The following IRX3 variants were observed in gnomAD, a reference collection of about 807,000 sequenced individuals.
IRX3 encodes the protein iroquois-class homeodomain protein IRX-3.
In IRX3, 20 loss-of-function variants were observed where a neutral mutation model predicts 36.4. That is an observed-to-expected ratio of 0.55 (90% CI 0.39 to 0.80). The LOEUF is 0.80. Ranked by LOEUF, IRX3 falls within the 30% of genes least tolerant of loss-of-function variation. The pLI is 0.00. For synonymous variants in IRX3, 404 were observed against 351.6 expected (o/e 1.15, Z -1.67); for missense variants, 718 against 733.2 (o/e 0.98, Z 0.24).
rs370099799 is a variant in IRX3 at position 54,284,367 on chromosome 16, C to T, written c.1385-55G>A. 9.0e-6 allele frequency: 14 copies of T among 1,558,706 alleles called. No homozygotes were observed. Among genetic ancestry groups the T allele is most frequent in the African/African-American group, 8.5e-5 (6 of 70,938 alleles). ...GCCTTTAGAGCGCTCGGTGCCGGCG[C>T]CCAGGGCCGCAGAAAGCAGGAGTGG... On this transcript the variant is annotated intron_variant, in intron 2 of 3. Transcript: ENST00000329734. This position sits in a 1 kb window ranked among gnomAD's most constrained non-coding sequence, Gnocchi z 4.0.
Position 54,285,089 on chromosome 16 carries a change from G to C in IRX3, c.792C>G (p.Thr264=). The C allele has an allele frequency of 1.2e-6, 2 of 1,613,788 alleles. No homozygotes were observed. The highest frequency in any genetic ancestry group is 1.7e-6 in the Non-Finnish European group (2 of 1,179,978). Residue 264 remains threonine (T), a synonymous_variant, in exon 2 of 4, where the codon ACC becomes ACG. Transcript: ENST00000329734. This position sits in a 1 kb window ranked among gnomAD's most constrained non-coding sequence, Gnocchi z 5.7. ...IDLENLDGAA[T]EPELSLAGAA... ...CCCCAGCCAGGGACAGCTCAGGCTCGGTGGCCGCGCCGTCTAAGTTCTCCA... is the reference window on the plus strand; with the variant it reads ...CCCCAGCCAGGGACAGCTCAGGCTCCGTGGCCGCGCCGTCTAAGTTCTCCA...
Position 54,283,680 on chromosome 16 carries a change from A to T in IRX3, c.*6T>A, listed in dbSNP as rs776619605. The T allele has an allele frequency of 1.2e-5, 15 of 1,234,740 alleles. No homozygotes were observed. Among genetic ancestry groups the T allele is most frequent in the South Asian group, 2.5e-5 (2 of 80,570 alleles). The allele number at this position is 1,234,740 out of a possible 1,614,324, so 76.5% of individuals were successfully genotyped here. On this transcript the variant is annotated 3_prime_UTR_variant, in exon 4 of 4. Coordinates refer to ENST00000329734, the MANE Select transcript of IRX3 (RefSeq NM_024336.3). The surrounding 1 kb of genome is among the most constrained non-coding windows in gnomAD (Gnocchi z 4.4). ...TTTTTTTTGTTTTTTTGTTTTTTTT[A>T]AAGAACTAGGATGAGGAGAGAGCCG...
rs1901254675 is a variant in IRX3, at chr16:54,284,288, T to C, written c.1409A>G (p.Glu470Gly). Residue 470 changes from glutamate to glycine, a missense_variant, in exon 3 of 4, where the codon GAG becomes GGG. Physicochemically the swap from Glu to Gly is moderately conservative, Grantham distance 98 (BLOSUM62 -2). Around this residue, in one of 3 missense-constraint regions of IRX3, gnomAD observed 468 missense variants for 462.1 expected, o/e 1.01. Transcript: ENST00000329734. The surrounding 1 kb of genome is among the most constrained non-coding windows in gnomAD (Gnocchi z 4.0). ...GTDRCSALEV[E>G]KKLLKTAFQP... is the part of the protein sequence containing the mutation. ...GAAAGCTGTCTTGAGTAACTTTTTC[T>C]CCACTTCCAAGGCACTACAGCGATC... is the stretch of plus-strand genomic sequence containing the variant. 1.2e-6 allele frequency: 2 copies of C among 1,612,024 alleles called. No homozygotes were observed. The highest frequency in any genetic ancestry group is 2.2e-5 in the East Asian group (1 of 44,676).
Position 54,284,603 on chromosome 16 carries a change from G to A in IRX3, c.1278C>T (p.Ser426=). The A allele has an allele frequency of 7.2e-7, 1 of 1,385,896 alleles. No individual in the cohort carries two copies. Among genetic ancestry groups the A allele is most frequent in the Non-Finnish European group, 9.2e-7 (1 of 1,082,410 alleles). 85.8% of individuals were successfully genotyped at this position (1,385,896 alleles called of 1,614,324 possible). Residue 426 remains serine (S), a synonymous_variant, in exon 2 of 4, where the codon TCC becomes TCT. Transcript: ENST00000329734. The surrounding 1 kb of genome is among the most constrained non-coding windows in gnomAD (Gnocchi z 4.0). The stretch of plus-strand genomic sequence containing the variant: ...GGTGCGGAGGGGCAGAGCCCAGCAG[G>A]GAGAGCGGGTGCAGGCGGGGGCCGG... ...PPPGPRLHPL[S]LLGSAPPHLL...
chr16:54,283,705 G>T lies in IRX3; in HGVS notation c.1487C>A (p.Ser496Ter). 7.0e-7 allele frequency: 1 copy of T among 1,435,996 alleles called. No individual in the cohort carries two copies. Among genetic ancestry groups the T allele is most frequent in the Non-Finnish European group, 9.8e-7 (1 of 1,017,920 alleles). The allele number at this position is 1,435,996 out of a possible 1,614,324, so 89.0% of individuals were successfully genotyped here. A position where few individuals can be genotyped will look rare whatever the true frequency, so the allele number is the denominator to read the frequency against. ...QNHLDAALVL[S>*]ALSSS is the part of the protein sequence containing the mutation. ...AAAGAACTAGGATGAGGAGAGAGCC[G>T]ATAAGACCAGGGCGGCGTCCAGATG... The change falls in exon 4 of 4, where the codon TCG (serine) becomes TAG (stop). Residue 496 changes from serine (S) to a stop codon, truncating the protein, a stop_gained. Coordinates refer to ENST00000329734, the MANE Select transcript of IRX3 (RefSeq NM_024336.3). LOFTEE classifies it high-confidence loss of function. The surrounding 1 kb of genome is among the most constrained non-coding windows in gnomAD (Gnocchi z 4.4).
rs1403684455 is a variant in IRX3 at position 54,283,797 on chromosome 16, C to T, written c.1452-57G>A. On this transcript the variant is annotated intron_variant, in intron 3 of 3. Transcript: ENST00000329734. This position sits in a 1 kb window ranked among gnomAD's most constrained non-coding sequence, Gnocchi z 4.4. ...GTGAGATTCAGGAGCGCAGAGGCTG[C>T]CTAGGGCGGGGAGATCCTACTTGGA... The T allele has an allele frequency of 6.2e-7, 1 of 1,600,716 alleles. No homozygotes were observed. Among genetic ancestry groups the T allele is most frequent in the African/African-American group, 1.3e-5 (1 of 74,084 alleles).
rs145096594 is a variant in IRX3, at chr16:54,285,470, C to T, written c.411G>A (p.Glu137=). 3.5e-4 allele frequency: 569 copies of T among 1,614,188 alleles called. No homozygotes were observed. The African/African-American group carries it at 7.0e-3, about 20-fold the overall frequency. ...DPSRPKNATR[E]STSTLKAWLN... is the part of the protein sequence containing the mutation. ...GCCAGGCCTTCAGCGTGCTGGTGCT[C>T]TCCCTGGTGGCGTTCTTGGGACGGG... is the stretch of plus-strand genomic sequence containing the variant. The change falls in exon 2 of 4, where the codon GAG becomes GAA. Residue 137 remains glutamate (E), a synonymous_variant. Transcript: ENST00000329734. This position sits in a 1 kb window ranked among gnomAD's most constrained non-coding sequence, Gnocchi z 5.7.
In IRX3 at chr16:54,285,581, C is replaced by A; in HGVS notation, c.300G>T (p.Gly100=). The A allele has an allele frequency of 6.4e-7, 1 of 1,570,108 alleles. No individual in the cohort carries two copies. The highest frequency in any genetic ancestry group is 8.6e-7 in the Non-Finnish European group (1 of 1,157,838). Residue 100 remains glycine (G), a synonymous_variant, in exon 2 of 4, where the codon GGG becomes GGT. Coordinates refer to ENST00000329734, the MANE Select transcript of IRX3 (RefSeq NM_024336.3). This position sits in a 1 kb window ranked among gnomAD's most constrained non-coding sequence, Gnocchi z 5.7. ...CGGCAGCCGCGGCCGGATGCTGCAC[C>A]CCGGGGCTGTCCTTCAGCTCATACT... The part of the protein sequence containing the change: ...GAQYELKDSP[G]VQHPAAAAAF...
rs1325178895 is a variant in IRX3, at chr16:54,285,163, T to C, written c.718A>G (p.Thr240Ala). The C allele has an allele frequency of 6.3e-7, 1 of 1,581,974 alleles. No individual in the cohort carries two copies. Among genetic ancestry groups the C allele is most frequent in the Non-Finnish European group, 8.6e-7 (1 of 1,158,564 alleles). The change falls in exon 2 of 4, where the codon ACG (threonine) becomes GCG (alanine). Residue 240 changes from threonine (T) to alanine (A), a missense_variant. Coordinates refer to ENST00000329734, the MANE Select transcript of IRX3 (RefSeq NM_024336.3). The surrounding 1 kb of genome is among the most constrained non-coding windows in gnomAD (Gnocchi z 5.7). ...EEELGGEEED[T>A]GGEGLADDDE... ...TCGTCAGCCAGGCCCTCGCCCCCCG[T>C]GTCCTCCTCCTCCCCCCCGAGCTCC...
chr16:54,285,877 C>T lies in IRX3; in HGVS notation c.174G>A (p.Gly58=). 1 of 1,540,538 alleles carries T rather than the reference C, an allele frequency of 6.5e-7. No individual in the cohort carries two copies. The highest frequency in any genetic ancestry group is 1.2e-5 in the South Asian group (1 of 83,114). Residue 58 remains glycine (G), a synonymous_variant, in exon 1 of 4, where the codon GGG becomes GGA. Coordinates refer to ENST00000329734, the MANE Select transcript of IRX3 (RefSeq NM_024336.3). This position sits in a 1 kb window ranked among gnomAD's most constrained non-coding sequence, Gnocchi z 5.7. ...CCGCAGCGGCCGCGGCGTAGGGCGC[C>T]CCGTACACGGACGAGAGCACGTTGG... ...SLSNVLSSVY[G]APYAAAAAAA... is the part of the protein sequence containing the mutation.
At position 54,285,626 on chromosome 16, in the gene IRX3, G is replaced by A. The variant is rs1431830552; in HGVS notation, c.268-13C>T. On this transcript the variant is annotated splice_polypyrimidine_tract_variant and intron_variant, in intron 1 of 3. Coordinates refer to ENST00000329734, the MANE Select transcript of IRX3 (RefSeq NM_024336.3). This position sits in a 1 kb window ranked among gnomAD's most constrained non-coding sequence, Gnocchi z 5.7. ...CATACTGCGCGCCCTGTACGCACAT[G>A]GAGAAGGAAGGGACACGCGCGGAGG... is the stretch of plus-strand genomic sequence containing the variant. 1.3e-6 allele frequency: 2 copies of A among 1,498,888 alleles called. No homozygotes were observed. Among genetic ancestry groups the A allele is most frequent in the East Asian group, 2.4e-5 (1 of 40,950 alleles). The allele number at this position is 1,498,888 out of a possible 1,614,324, so 92.8% of individuals were successfully genotyped here.
In IRX3 at chr16:54,283,663, G is replaced by A. The variant is rs534542206; in HGVS notation, c.*23C>T. 1 of 1,150,802 alleles carries A rather than the reference G, an allele frequency of 8.7e-7. No homozygotes were observed. Among genetic ancestry groups the A allele is most frequent in the Non-Finnish European group, 1.3e-6 (1 of 780,676 alleles). 71.3% of individuals were successfully genotyped at this position (1,150,802 alleles called of 1,614,324 possible). On this transcript the variant is annotated 3_prime_UTR_variant, in exon 4 of 4. Coordinates refer to ENST00000329734, the MANE Select transcript of IRX3 (RefSeq NM_024336.3). This position sits in a 1 kb window ranked among gnomAD's most constrained non-coding sequence, Gnocchi z 4.4. The stretch of plus-strand genomic sequence containing the variant: ...ACAACGATTAAAAAAAGTTTTTTTT[G>A]TTTTTTTGTTTTTTTTAAAGAACTA...
rs1464755318 is a variant in IRX3 at position 54,285,774 on chromosome 16, G to A, written c.267+10C>T. The A allele has an allele frequency of 2.0e-6, 3 of 1,535,222 alleles. No homozygotes were observed. The highest frequency in any genetic ancestry group is 2.3e-5 in the East Asian group (1 of 42,816). ...CCAACCCCTCCTTCCCTGGCTCCGC[G>A]GGCTCTTACCAGCTGCGGGAAGATG... On this transcript the variant is annotated intron_variant, in intron 1 of 3. Coordinates refer to ENST00000329734, the MANE Select transcript of IRX3 (RefSeq NM_024336.3). This position sits in a 1 kb window ranked among gnomAD's most constrained non-coding sequence, Gnocchi z 5.7.
At position 54,283,753 on chromosome 16, in the gene IRX3, G is replaced by A. The variant is rs746499402; in HGVS notation, c.1452-13C>T. On this transcript the variant is annotated splice_polypyrimidine_tract_variant and intron_variant, in intron 3 of 3. Transcript: ENST00000329734. This position sits in a 1 kb window ranked among gnomAD's most constrained non-coding sequence, Gnocchi z 4.4. ...ATGGTTCTGGGGCCTGGAAGAGAGAGACAGTAGTAGCAAAAGAGGTGAGAT... is the reference window on the plus strand; with the variant it reads ...ATGGTTCTGGGGCCTGGAAGAGAGAAACAGTAGTAGCAAAAGAGGTGAGAT... The A allele has an allele frequency of 6.2e-6, 10 of 1,610,178 alleles. No homozygotes were observed. The highest frequency in any genetic ancestry group is 6.8e-6 in the Non-Finnish European group (8 of 1,177,002).
In IRX3 at chr16:54,285,442, T is replaced by A. The variant is rs757997450; in HGVS notation, c.439A>T (p.Asn147Tyr). The change falls in exon 2 of 4, where the codon AAC becomes TAC. Residue 147 changes from asparagine to tyrosine, a missense_variant. Around this residue, in one of 3 missense-constraint regions of IRX3, gnomAD observed 46 missense variants for 89.7 expected, o/e 0.51. Transcript: ENST00000329734. The surrounding 1 kb of genome is among the most constrained non-coding windows in gnomAD (Gnocchi z 5.7). ...GGGTAGGGGTTCTTGCGGTGCTCGT[T>A]GAGCCAGGCCTTCAGCGTGCTGGTG... Reference protein sequence around the residue: ...ESTSTLKAWLNEHRKNPYPTK... With the variant: ...ESTSTLKAWLYEHRKNPYPTK... 1.2e-6 allele frequency: 2 copies of A among 1,614,104 alleles called. No individual in the cohort carries two copies. Among genetic ancestry groups the A allele is most frequent in the East Asian group, 4.5e-5 (2 of 44,820 alleles).
chr16:54,285,717 C>T lies in IRX3; in HGVS notation c.267+67G>A. 4 of 1,465,232 alleles carry T rather than the reference C, an allele frequency of 2.7e-6. No homozygotes were observed. The highest frequency in any genetic ancestry group is 1.4e-5 in the South Asian group (1 of 70,056). The allele number at this position is 1,465,232 out of a possible 1,614,324, so 90.8% of individuals were successfully genotyped here. A position where few individuals can be genotyped will look rare whatever the true frequency, so the allele number is the denominator to read the frequency against. ...TGGCCTGCACCCCTCTAGTCCGGCCCCCGCGCGCTCAGCTCGCCCTGCGCC... is the reference window on the plus strand; with the variant it reads ...TGGCCTGCACCCCTCTAGTCCGGCCTCCGCGCGCTCAGCTCGCCCTGCGCC... On this transcript the variant is annotated intron_variant, in intron 1 of 3. Coordinates refer to ENST00000329734, the MANE Select transcript of IRX3 (RefSeq NM_024336.3). The surrounding 1 kb of genome is among the most constrained non-coding windows in gnomAD (Gnocchi z 5.7).
chr16:54,283,585 G>C lies in IRX3; in HGVS notation c.*101C>G. 1.6e-6 allele frequency: 1 copy of C among 631,842 alleles called. No homozygotes were observed. Among genetic ancestry groups the C allele is most frequent in the South Asian group, 1.9e-5 (1 of 51,860 alleles). The allele number at this position is 631,842 out of a possible 1,614,324, so 39.1% of individuals were successfully genotyped here. On this transcript the variant is annotated 3_prime_UTR_variant, in exon 4 of 4. Transcript: ENST00000329734. The surrounding 1 kb of genome is among the most constrained non-coding windows in gnomAD (Gnocchi z 4.4). ...GTTTTGCTTTTAGGTATTTATACAC[G>C]GACATGCTTACAAGTTGTAACTATA... is the stretch of plus-strand genomic sequence containing the variant.
chr16:54,284,017 G>A lies in IRX3; in HGVS notation c.1451+229C>T. ...AGCCACGCAAGGCTTCCCCTAGAAG[G>A]TACAAGCGCTGTACCCTCCGGCCGC... On this transcript the variant is annotated intron_variant, in intron 3 of 3. Transcript: ENST00000329734. The surrounding 1 kb of genome is among the most constrained non-coding windows in gnomAD (Gnocchi z 4.0). 5 of 1,413,768 alleles carry A rather than the reference G, an allele frequency of 3.5e-6. 1 individual carries two copies. The South Asian group carries it at 6.1e-5, about 17-fold the overall frequency. 87.6% of individuals were successfully genotyped at this position (1,413,768 alleles called of 1,614,324 possible). A position where few individuals can be genotyped will look rare whatever the true frequency, so the allele number is the denominator to read the frequency against.
chr16:54,283,619 T>C lies in IRX3; in HGVS notation c.*67A>G, dbSNP rs1596756984. The C allele has an allele frequency of 1.3e-6, 1 of 780,550 alleles. No homozygotes were observed. Among genetic ancestry groups the C allele is most frequent in the South Asian group, 1.5e-5 (1 of 64,704 alleles). The allele number at this position is 780,550 out of a possible 1,614,324, so 48.4% of individuals were successfully genotyped here. On this transcript the variant is annotated 3_prime_UTR_variant, in exon 4 of 4. Transcript: ENST00000329734. The surrounding 1 kb of genome is among the most constrained non-coding windows in gnomAD (Gnocchi z 4.4). ...TACAAGTTGTAACTATACAGAGCGA[T>C]TTTTTTTATACAATTATTACAACGA... is the stretch of plus-strand genomic sequence containing the variant.
Sources: gnomAD v4.1 joint callset for allele counts on GRCh38, gnomAD v4.1.1 for gene constraint, gnomAD v4.1.1 regional missense constraint, Gnocchi (gnomAD v3.1) non-coding constraint, MANE v1.5 for transcripts, NCBI Gene and HGNC (gene_info 2026-07-23, HGNC 2026-07-21) for gene names.